The following CNTNAP2 variants were observed in gnomAD, a reference collection of about 807,000 sequenced individuals.
CNTNAP2 encodes the protein contactin associated protein 2, also known as contactin-associated protein-like 2.
CNTNAP2 carries 98 observed loss-of-function variants against 155.2 expected under a neutral mutation model. The observed-to-expected ratio is 0.63, with a 90% CI of 0.54 to 0.75. CNTNAP2 has a LOEUF of 0.75. Among genes scored for constraint, CNTNAP2 ranks in the 30% least tolerant of loss-of-function variants. The pLI is 0.00. For synonymous variants in CNTNAP2, 651 were observed against 631.2 expected (o/e 1.03, Z -0.47); for missense variants, 1,727 against 1,688.1 (o/e 1.02, Z -0.40).
intron 1 of CNTNAP2, among the ~76,000 whole-genome samples, chr7:146,697,302 A>G (rs895553275): frequency 3.3e-5 from 5 of 151,828 alleles, no homozygotes; most frequent in African/African-American, 9.7e-5. Flanking sequence ...CTGTGGCGCA[A>G]TCTTGGCTCA....
chr7:147,017,159 C>G (rs929449583), intron 3 of CNTNAP2, among the ~76,000 whole-genome samples: 17 of 151,516 alleles, frequency 1.1e-4, no homozygotes, highest in African/African-American at 3.9e-4. Flanking sequence ...TCTGCTTCTT[C>G]TTCTGTCATA....
chr7:146,700,551 T>C (rs1800859532), intron 1 of CNTNAP2, among the ~76,000 whole-genome samples: 2 of 152,246 alleles, frequency 1.3e-5, no homozygotes, highest in South Asian at 4.1e-4. Flanking sequence ...TTATAAAAAC[T>C]ACCTGTGACA....
In CNTNAP2 at chr7:146,768,542, A is replaced by G. The variant is rs561766368; in HGVS notation, c.98-5729A>G. ...CTGATGATGGAAAGGAATAGTCATA[A>G]CACGTGATGCAGGGTAAATGTGCAG... On this transcript the variant is annotated intron_variant, in intron 1 of 23. Coordinates refer to ENST00000361727, the MANE Select transcript of CNTNAP2 (RefSeq NM_014141.6). Among the ~76,000 whole-genome samples, 6 of 152,018 alleles carry G rather than the reference A, an allele frequency of 3.9e-5. No individual in the cohort carries two copies. In the East Asian group the frequency reaches 1.2e-3, roughly 30 times the overall value.
At chr7:147,751,250 A>T (rs1797131055) in intron 13 of CNTNAP2, among the ~76,000 whole-genome samples, 1 of 151,792 alleles carries the variant, frequency 6.6e-6, no homozygotes, top group Non-Finnish European at 1.5e-5. Flanking sequence ...ACATAAAATG[A>T]TCCGAAAACT....
chr7:146,432,203 A>T (rs1054579890), intron 1 of CNTNAP2, among the ~76,000 whole-genome samples: 1 of 152,150 alleles, frequency 6.6e-6, no homozygotes, highest in Admixed American at 6.5e-5. Flanking sequence ...TATTTGAATC[A>T]GATGATCAAT....
intron 13 of CNTNAP2, among the ~76,000 whole-genome samples, chr7:147,695,300 T>C (rs748230095): frequency 2.0e-4 from 31 of 152,190 alleles, no homozygotes; most frequent in Non-Finnish European, 4.3e-4. Context: ...CTGAGAGCAA[T>C]GTGCCTTTTG....
At chr7:146,878,942 T>A (rs554854146) in intron 3 of CNTNAP2, among the ~76,000 whole-genome samples, 1 of 152,302 alleles carries the variant, frequency 6.6e-6, no homozygotes, top group East Asian at 1.9e-4. Context: ...TTTGCGAACT[T>A]TATTTGCTCA....
chr7:146,960,377 G>A (rs1408423552), intron 3 of CNTNAP2, among the ~76,000 whole-genome samples: 1 of 152,186 alleles, frequency 6.6e-6, no homozygotes, highest in Non-Finnish European at 1.5e-5. Context: ...AGAGAGGCCA[G>A]TTAGGAATTG....
chr7:147,018,563 A>T (rs1798766312), intron 3 of CNTNAP2, among the ~76,000 whole-genome samples: 1 of 152,120 alleles, frequency 6.6e-6, no homozygotes, highest in Non-Finnish European at 1.5e-5. Context: ...ATTCAGATAA[A>T]GTTATTTAGT....
chr7:146,851,860 T>A (rs941885343), intron 3 of CNTNAP2, among the ~76,000 whole-genome samples: 4 of 151,638 alleles, frequency 2.6e-5, no homozygotes, highest in African/African-American at 9.7e-5. Flanking sequence ...TTAATTTATT[T>A]ATTTTTTGTA....
intron 12 of CNTNAP2, among the ~76,000 whole-genome samples, chr7:147,571,002 A>G (rs1232550139): frequency 1.3e-5 from 2 of 152,206 alleles, no homozygotes; most frequent in South Asian, 4.1e-4. Context: ...CATTTTTGTT[A>G]TAAACAATTT....
At chr7:146,251,372 T>A (rs974985808) in intron 1 of CNTNAP2, among the ~76,000 whole-genome samples, 2 of 152,214 alleles carry the variant, frequency 1.3e-5, no homozygotes, top group Non-Finnish European at 2.9e-5. Flanking sequence ...TTATGTTTTA[T>A]AAAATTTGCT....
At chr7:146,647,089 C>T (rs1048598981) in intron 1 of CNTNAP2, among the ~76,000 whole-genome samples, 2 of 152,160 alleles carry the variant, frequency 1.3e-5, no homozygotes, top group African/African-American at 2.4e-5. Flanking sequence ...TGACTGAGGG[C>T]AGAGTCTGTA....
chr7:146,961,466 G>A (rs1797557370), intron 3 of CNTNAP2, among the ~76,000 whole-genome samples: 1 of 152,138 alleles, frequency 6.6e-6, no homozygotes, highest in Non-Finnish European at 1.5e-5. Flanking sequence ...TATGAGAGCT[G>A]GGGCATTTGT....
intron 1 of CNTNAP2, among the ~76,000 whole-genome samples, chr7:146,704,940 A>G (rs1289641709): frequency 6.6e-6 from 1 of 152,126 alleles, no homozygotes; most frequent in Non-Finnish European, 1.5e-5. Flanking sequence ...CTTGAAGAGA[A>G]TATTTCTTTT....
At chr7:147,494,581 T>G (rs553499873) in intron 11 of CNTNAP2, among the ~76,000 whole-genome samples, 2 of 151,880 alleles carry the variant, frequency 1.3e-5, no homozygotes, top group South Asian at 4.2e-4. Flanking sequence ...CAGTGCTAGG[T>G]CTTGAGGGAA....
intron 1 of CNTNAP2, among the ~76,000 whole-genome samples, chr7:146,597,199 T>C (rs188047313): frequency 1.3e-5 from 2 of 152,160 alleles, no homozygotes; most frequent in Non-Finnish European, 2.9e-5. Context: ...ATCATTATAG[T>C]TTGGTGGCCG....
At chr7:147,304,850 G>T (rs917378717) in intron 9 of CNTNAP2, among the ~76,000 whole-genome samples, 3 of 152,152 alleles carry the variant, frequency 2.0e-5, no homozygotes, top group African/African-American at 7.2e-5. Context: ...GGTTCTTGAG[G>T]TTGGGAAGTC....
At chr7:146,992,031 A>C (rs1798218064) in intron 3 of CNTNAP2, among the ~76,000 whole-genome samples, 1 of 152,160 alleles carries the variant, frequency 6.6e-6, no homozygotes, top group African/African-American at 2.4e-5. Flanking sequence ...AAAAGACTCC[A>C]ACTGAGAAAT....
Sources: allele counts gnomAD v4.1 joint callset (sites outside exome capture counted in the v4.1 genomes callset), GRCh38; gene constraint gnomAD v4.1.1; transcripts MANE v1.5; gene names NCBI Gene and HGNC (gene_info 2026-07-23, HGNC 2026-07-21).